Variants in SBF2 observed in about 807,000 individuals in gnomAD.
SBF2 encodes SET binding factor 2, also known as myotubularin-related protein 13.
A neutral mutation model predicts 225.2 loss-of-function variants in SBF2; 112 were observed. That is an observed-to-expected ratio of 0.50 (90% CI 0.43 to 0.58). The LOEUF is 0.58. Ranked by LOEUF, SBF2 falls within the 20% of genes least tolerant of loss-of-function variation. The probability of loss-of-function intolerance (pLI) is 0.00; values close to 1 mark genes in which losing one functional copy is unlikely to be tolerated. For missense variants in SBF2, 1,996 were observed against 2,206.2 expected (o/e 0.90, Z 1.91); for synonymous variants, 763 against 773.3 (o/e 0.99, Z 0.22).
intron 2 of SBF2, among the ~76,000 whole-genome samples, chr11:10,103,051 A>G (rs944006714): frequency 6.6e-6 from 1 of 152,190 alleles, no homozygotes; most frequent in Non-Finnish European, 1.5e-5. Context: ...GAAGAAACAG[A>G]TTCAGTTGGC....
intron 16 of SBF2, among the ~76,000 whole-genome samples, chr11:9,949,831 T>C (rs1175097852): frequency 6.6e-6 from 1 of 152,110 alleles, no homozygotes; most frequent in Non-Finnish European, 1.5e-5. Context: ...AAATACATAA[T>C]ACACCATTTA....
chr11:9,860,879 T>G (rs958116065), intron 17 of SBF2, among the ~76,000 whole-genome samples: 2 of 152,122 alleles, frequency 1.3e-5, no homozygotes, highest in African/African-American at 4.8e-5. Flanking sequence ...GCCAAAAAAG[T>G]TATTAATTAA....
chr11:9,971,600 G>A (rs1369140963), intron 13 of SBF2, among the ~76,000 whole-genome samples: 1 of 152,144 alleles, frequency 6.6e-6, no homozygotes, highest in African/African-American at 2.4e-5. Context: ...GATAGTTTAA[G>A]CCTGGGAGAT....
At chr11:9,902,919 C>A (rs1390697359) in intron 16 of SBF2, among the ~76,000 whole-genome samples, 2 of 150,240 alleles carry the variant, frequency 1.3e-5, no homozygotes, top group African/African-American at 2.5e-5. Context: ...TGGGTTGCAA[C>A]TTCCAAACTA....
chr11:9,826,449 A>G (rs1855064691), intron 28 of SBF2, among the ~76,000 whole-genome samples: 1 of 152,180 alleles, frequency 6.6e-6, no homozygotes, highest in African/African-American at 2.4e-5. Flanking sequence ...AAAAGGGAAA[A>G]AAGTGAATTT....
intron 16 of SBF2, among the ~76,000 whole-genome samples, chr11:9,954,166 T>C (rs992818096): frequency 3.9e-5 from 6 of 152,210 alleles, no homozygotes; most frequent in Admixed American, 2.6e-4. Flanking sequence ...AACAGCCTTT[T>C]GGCAGTACTC....
chr11:9,893,295 A>G (rs1254098305), intron 17 of SBF2, among the ~76,000 whole-genome samples: 1 of 152,222 alleles, frequency 6.6e-6, no homozygotes, highest in Non-Finnish European at 1.5e-5. Context: ...AAGATTTAGA[A>G]AATATCCGAG....
intron 1 of SBF2, among the ~76,000 whole-genome samples, chr11:10,249,888 A>T (rs1960186508): frequency 6.6e-6 from 1 of 150,860 alleles, no homozygotes. Context: ...AGTCCATAGC[A>T]TTGGAATGCA....
intron 2 of SBF2, among the ~76,000 whole-genome samples, chr11:10,171,242 TTTCC>T (rs1457722598): frequency 6.6e-6 from 1 of 152,166 alleles, no homozygotes; most frequent in Non-Finnish European, 1.5e-5. Flanking sequence ...GGCTTTCAGT[TTTCC>T]CCCCATTCAT....
rs1459932707 is a variant in SBF2, at chr11:10,292,726, C to T, written c.55+1289G>A. ...GTTTAAAAGTGGGGAGGGGGGGAGGCGGAACAATGTCACTAAAAACTAAAG... is the reference window on the plus strand; with the variant it reads ...GTTTAAAAGTGGGGAGGGGGGGAGGTGGAACAATGTCACTAAAAACTAAAG... On this transcript the variant is annotated intron_variant, in intron 1 of 39. Coordinates refer to ENST00000256190, the MANE Select transcript of SBF2 (RefSeq NM_030962.4). 2.7e-5 allele frequency among the ~76,000 whole-genome samples: 4 copies of T among 149,714 alleles called. No homozygotes were observed. The South Asian group carries it at 6.4e-4, about 24-fold the overall frequency.
At chr11:10,089,278 G>A (rs924371068) in intron 2 of SBF2, among the ~76,000 whole-genome samples, 1 of 152,158 alleles carries the variant, frequency 6.6e-6, no homozygotes, top group Non-Finnish European at 1.5e-5. Context: ...CAGTAAAAAT[G>A]TGACATTAAT....
intron 9 of SBF2, among the ~76,000 whole-genome samples, chr11:9,995,546 A>G (rs7128838): frequency 0.068 from 10,349 of 152,248 alleles, 519 homozygotes; most frequent in East Asian, 0.28. Context: ...AATGAAACAA[A>G]GCTTATATAC....
chr11:9,797,239 G>A (rs1853179353), intron 32 of SBF2, among the ~76,000 whole-genome samples: 2 of 152,208 alleles, frequency 1.3e-5, no homozygotes, highest in Admixed American at 1.3e-4. Context: ...GGACCAATGG[G>A]AATTTAAAGT....
At chr11:9,783,270 T>TTATC (rs1439147935) in intron 38 of SBF2, among the ~76,000 whole-genome samples, 1 of 152,336 alleles carries the variant, frequency 6.6e-6, no homozygotes. Context: ...TGAACATAAA[T>TTATC]TATCTATCTA....
At chr11:10,112,473 T>C (rs1952923882) in intron 2 of SBF2, among the ~76,000 whole-genome samples, 1 of 152,228 alleles carries the variant, frequency 6.6e-6, no homozygotes, top group Non-Finnish European at 1.5e-5. Flanking sequence ...CCTTCCGCCA[T>C]GATTGTGAGG....
At chr11:9,911,614 A>G (rs1862626226) in intron 16 of SBF2, among the ~76,000 whole-genome samples, 2 of 152,206 alleles carry the variant, frequency 1.3e-5, no homozygotes, top group Admixed American at 6.5e-5. Flanking sequence ...GTGTTTATAA[A>G]GTCTACAGTA....
At chr11:9,781,883 C>T (rs1382911627) in intron 38 of SBF2, among the ~76,000 whole-genome samples, 1 of 152,116 alleles carries the variant, frequency 6.6e-6, no homozygotes, top group East Asian at 1.9e-4. Context: ...TGTATTACAT[C>T]TTAAAAAATA....
At chr11:9,781,397 T>TGTCA in intron 39 of SBF2, 110 bp downstream of exon 39, 1 of 1,410,956 alleles carries the variant, frequency 7.1e-7, no homozygotes, top group African/African-American at 1.4e-5. Context: ...CAAGGGGGTC[T>TGTCA]GTCATCCATC....
intron 1 of SBF2, among the ~76,000 whole-genome samples, chr11:10,211,014 C>CAAAAAAAAAAAAAAAAAAAAAAAAACAA (rs1230619092): frequency 3.0e-5 from 1 of 33,054 alleles, no homozygotes; most frequent in Non-Finnish European, 6.5e-5. Context: ...ACTCTTGACT[C>CAAAAAAAAAAAAAAAAAAAAAAAAACAA]AAAAAAAAAA....
Sources: allele counts gnomAD v4.1 joint callset (sites outside exome capture counted in the v4.1 genomes callset), GRCh38; gene constraint gnomAD v4.1.1; transcripts MANE v1.5; gene names NCBI Gene and HGNC (gene_info 2026-07-23, HGNC 2026-07-21).